PLXDC2: variants seen among roughly 807,000 people sequenced by gnomAD.
PLXDC2 encodes the protein plexin domain-containing protein 2.
Under a neutral mutation model 68.9 loss-of-function variants are expected in PLXDC2, and 40 were observed. The observed-to-expected ratio is 0.58, with a 90% CI of 0.45 to 0.76. PLXDC2 has a LOEUF of 0.76. Among genes scored for constraint, PLXDC2 ranks in the 30% least tolerant of loss-of-function variants. The pLI is 0.00. For synonymous variants in PLXDC2, 243 were observed against 234.2 expected (o/e 1.04, Z -0.34); for missense variants, 644 against 661.9 (o/e 0.97, Z 0.30).
intron 4 of PLXDC2, among the ~76,000 whole-genome samples, chr10:20,118,610 C>A (rs1381422690): frequency 6.6e-6 from 1 of 152,046 alleles, no homozygotes; most frequent in Non-Finnish European, 1.5e-5. Flanking sequence ...AAACCGGTCC[C>A]AGGAAACTTT....
chr10:20,165,981 T>C (rs538441109), intron 7 of PLXDC2, among the ~76,000 whole-genome samples: 3 of 152,298 alleles, frequency 2.0e-5, no homozygotes, highest in Admixed American at 2.0e-4. Flanking sequence ...TGTGTTCTTA[T>C]TTAAAGAAAG....
rs936771166 is a variant in PLXDC2, at chr10:19,996,040, A to G, written c.113-5735A>G. Among the ~76,000 whole-genome samples, 3 of 152,178 alleles carry G rather than the reference A, an allele frequency of 2.0e-5. No individual in the cohort carries two copies. In the South Asian group the frequency reaches 6.2e-4, roughly 31 times the overall value. ...GATGGGGTGTCTTATAGTTGAGTGG[A>G]TATAAGGAGTCATTCGAGGCTTGTC... On this transcript the variant is annotated intron_variant, in intron 1 of 13. Coordinates refer to ENST00000377252, the MANE Select transcript of PLXDC2 (RefSeq NM_032812.9).
intron 4 of PLXDC2, among the ~76,000 whole-genome samples, chr10:20,084,694 A>G (rs1323426499): frequency 6.6e-6 from 1 of 152,018 alleles, no homozygotes; most frequent in Non-Finnish European, 1.5e-5. Flanking sequence ...GATTCCTCTA[A>G]AAAGACAGTT....
At chr10:20,259,625 A>G (rs1013578500) in intron 13 of PLXDC2, among the ~76,000 whole-genome samples, 79 of 152,338 alleles carry the variant, frequency 5.2e-4, no homozygotes, top group African/African-American at 1.8e-3. Context: ...AAGCAAAGGG[A>G]ATCCACAAGG....
intron 13 of PLXDC2, among the ~76,000 whole-genome samples, chr10:20,259,530 G>C (rs932187841): frequency 1.4e-4 from 21 of 152,314 alleles, no homozygotes; most frequent in Middle Eastern, 3.4e-3. Flanking sequence ...TGGCCAAACT[G>C]CAGGCATCAG....
At chr10:20,102,798 A>G (rs898873347) in intron 4 of PLXDC2, among the ~76,000 whole-genome samples, 6 of 152,216 alleles carry the variant, frequency 3.9e-5, no homozygotes, top group Non-Finnish European at 7.4e-5. Flanking sequence ...GTCTAGAGGA[A>G]AAATGGCGGC....
intron 4 of PLXDC2, among the ~76,000 whole-genome samples, chr10:20,086,504 A>G (rs893667748): frequency 3.3e-5 from 5 of 151,872 alleles, no homozygotes; most frequent in Admixed American, 6.6e-5. Flanking sequence ...GTTATGCTGT[A>G]TTTTTAGGAA....
In PLXDC2 at chr10:20,131,440, C is replaced by T. The variant is rs529527474; in HGVS notation, c.542-11855C>T. On this transcript the variant is annotated intron_variant, in intron 4 of 13. Transcript: ENST00000377252. ...TTGAGACAGAGTTTCACTCTTGTTGCCCAGGCTGGAGTGCAATGGTGCAAT... is the reference window on the plus strand; with the variant it reads ...TTGAGACAGAGTTTCACTCTTGTTGTCCAGGCTGGAGTGCAATGGTGCAAT... 2.0e-5 allele frequency among the ~76,000 whole-genome samples: 3 copies of T among 152,180 alleles called. No homozygotes were observed. In the East Asian group the frequency reaches 5.8e-4, roughly 29 times the overall value.
At chr10:20,151,057 T>G (rs757100462) in intron 6 of PLXDC2, among the ~76,000 whole-genome samples, 6 of 152,244 alleles carry the variant, frequency 3.9e-5, no homozygotes, top group Non-Finnish European at 5.9e-5. Context: ...ATTATTTGCC[T>G]TTCTGTTCTT....
At chr10:20,157,193 T>C (rs1429121058) in intron 6 of PLXDC2, among the ~76,000 whole-genome samples, 1 of 152,234 alleles carries the variant, frequency 6.6e-6, no homozygotes, top group Non-Finnish European at 1.5e-5. Flanking sequence ...CAGATAAGAA[T>C]GGGTAAAACA....
At chr10:19,961,125 T>C (rs1834148102) in intron 1 of PLXDC2, among the ~76,000 whole-genome samples, 1 of 152,248 alleles carries the variant, frequency 6.6e-6, no homozygotes, top group Non-Finnish European at 1.5e-5. Flanking sequence ...GGGCAGTACT[T>C]CTGTGATTTC....
intron 1 of PLXDC2, among the ~76,000 whole-genome samples, chr10:19,885,926 T>C (rs1275817148): frequency 6.6e-6 from 1 of 152,042 alleles, no homozygotes; most frequent in Non-Finnish European, 1.5e-5. Flanking sequence ...TGGCATTGAA[T>C]CTATAAATTA....
At chr10:20,132,783 T>C (rs1833884818) in intron 4 of PLXDC2, among the ~76,000 whole-genome samples, 2 of 149,526 alleles carry the variant, frequency 1.3e-5, no homozygotes, top group African/African-American at 2.5e-5. Flanking sequence ...AAAAAAAAAA[T>C]CCATTCAACC....
At chr10:20,169,305 A>C (rs1589663228) in intron 7 of PLXDC2, among the ~76,000 whole-genome samples, 1 of 152,338 alleles carries the variant, frequency 6.6e-6, no homozygotes, top group East Asian at 1.9e-4. Context: ...CATTTCCCAA[A>C]GAGCTTTCTA....
chr10:19,931,715 C>A (rs536569562), intron 1 of PLXDC2, among the ~76,000 whole-genome samples: 1 of 152,200 alleles, frequency 6.6e-6, no homozygotes, highest in South Asian at 2.1e-4. Flanking sequence ...CCTTCCTGCC[C>A]CACAGGAGCA....
At chr10:20,043,444 T>A (rs190174589) in intron 2 of PLXDC2, 68 of 152,282 alleles carry the variant, frequency 4.5e-4, no homozygotes, top group African/African-American at 1.6e-3. Context: ...AGCGCAATGA[T>A]GTTCTTTATG....
chr10:20,012,287 C>G (rs1379025444), intron 2 of PLXDC2, among the ~76,000 whole-genome samples: 2 of 124,830 alleles, frequency 1.6e-5, no homozygotes, highest in African/African-American at 6.5e-5. Context: ...GGATAAGAGT[C>G]TCTCTCTCTC....
chr10:20,082,531 GT>G (rs1236146986), intron 4 of PLXDC2, among the ~76,000 whole-genome samples: 2 of 152,104 alleles, frequency 1.3e-5, no homozygotes, highest in Admixed American at 1.3e-4. Context: ...TAGAGATGCT[GT>G]TTTTACTTGA....
intron 1 of PLXDC2, among the ~76,000 whole-genome samples, chr10:19,978,941 A>G (rs1834502630): frequency 6.6e-6 from 1 of 152,196 alleles, no homozygotes; most frequent in Non-Finnish European, 1.5e-5. Context: ...GAACAAAGTA[A>G]TCTTGACTAT....
Sources: gnomAD v4.1 joint callset for allele counts (sites outside exome capture counted in the v4.1 genomes callset) on GRCh38, gnomAD v4.1.1 for gene constraint, MANE v1.5 for transcripts, NCBI Gene and HGNC (gene_info 2026-07-23, HGNC 2026-07-21) for gene names.